Variants in ZNF385C observed in about 807,000 individuals in gnomAD.
The protein encoded by ZNF385C is zinc finger protein 385C, also known as CTD-2132N18.2.
In ZNF385C, 28 loss-of-function variants were observed where a neutral mutation model predicts 35.4. The observed-to-expected ratio is 0.79, with a 90% CI of 0.59 to 1.08. The LOEUF (loss-of-function observed/expected upper bound fraction) is 1.08. Among genes scored for constraint, ZNF385C ranks in the 50% least tolerant of loss-of-function variants. The pLI is 0.00. For missense variants in ZNF385C, 605 were observed against 595.6 expected (o/e 1.02, Z -0.16); for synonymous variants, 248 against 248.2 (o/e 1.00, Z 0.01).
At chr17:42,057,513 C>CGCGT (rs561209660) in intron 2 of ZNF385C, among the ~76,000 whole-genome samples, 6 of 146,858 alleles carry the variant, frequency 4.1e-5, no homozygotes, top group African/African-American at 1.1e-4. Context: ...CGCGCGCGCG[C>CGCGT]GTGTGTGTGT....
At chr17:42,079,890 C>G (rs1450438766) in intron 1 of ZNF385C, among the ~76,000 whole-genome samples, 1 of 152,150 alleles carries the variant, frequency 6.6e-6, no homozygotes, top group African/African-American at 2.4e-5. Flanking sequence ...ATCCACTCTC[C>G]CAACCCAGGG....
intron 1 of ZNF385C, among the ~76,000 whole-genome samples, chr17:42,086,630 A>G (rs2053811144): frequency 7.0e-6 from 1 of 142,574 alleles, no homozygotes; most frequent in African/African-American, 2.6e-5. Flanking sequence ...TGAACCCAGG[A>G]GGCAGAGGCT....
Position 42,034,821 on chromosome 17 carries a change from GGAAA to G in ZNF385C, c.400-490_400-487del, listed in dbSNP as rs1177902689. 2.7e-4 allele frequency among the ~76,000 whole-genome samples: 40 copies of G among 148,814 alleles called. 1 individual carries two copies. The highest frequency in any genetic ancestry group is 2.0e-4 in the Admixed American group (3 of 14,842). On this transcript the variant is annotated intron_variant, in intron 3 of 8. Coordinates refer to ENST00000692273, the MANE Select transcript of ZNF385C (RefSeq NM_001392013.1). ...AAAGAAAAGAAAAAGAAAAAGAAAA[GGAAA>G]GAAAGAAGAAGAAACAGCTGCCTGG...
chr17:42,063,291 G>T (rs534764396), intron 1 of ZNF385C, among the ~76,000 whole-genome samples: 3 of 152,310 alleles, frequency 2.0e-5, no homozygotes, highest in Non-Finnish European at 4.4e-5. Context: ...CACTTTGGGA[G>T]GCCGAGGCGG....
intron 1 of ZNF385C, among the ~76,000 whole-genome samples, chr17:42,089,604 A>G (rs567773566): frequency 2.0e-5 from 3 of 152,320 alleles, no homozygotes; most frequent in East Asian, 3.9e-4. Flanking sequence ...CTCATTATTG[A>G]CTAAAATGCA....
intron 1 of ZNF385C, among the ~76,000 whole-genome samples, chr17:42,063,395 G>T (rs1333215229): frequency 2.0e-5 from 3 of 152,174 alleles, no homozygotes; most frequent in Non-Finnish European, 4.4e-5. Flanking sequence ...GGGCATGGTG[G>T]CGCATGCCTG....
intron 1 of ZNF385C, among the ~76,000 whole-genome samples, chr17:42,091,925 G>A (rs2053866883): frequency 1.3e-5 from 2 of 152,190 alleles, no homozygotes; most frequent in African/African-American, 4.8e-5. Context: ...GGGAGATTCA[G>A]GAAGAGCCAG....
intron 2 of ZNF385C, chr17:42,043,058 C>T (rs1445721287): frequency 1.6e-6 from 2 of 1,232,198 alleles, no homozygotes; most frequent in Non-Finnish European, 2.0e-6. Context: ...CCTGGGCAGG[C>T]CCCTCCACCT....
intron 2 of ZNF385C, among the ~76,000 whole-genome samples, chr17:42,047,124 C>A (rs561004643): frequency 6.6e-6 from 1 of 151,604 alleles, no homozygotes; most frequent in East Asian, 1.9e-4. Context: ...CCCCACCTCC[C>A]GGGTTCACGC....
intron 1 of ZNF385C, among the ~76,000 whole-genome samples, chr17:42,068,655 A>G (rs983524076): frequency 3.3e-5 from 5 of 152,228 alleles, no homozygotes; most frequent in African/African-American, 1.2e-4. Context: ...ATGCCCAAAC[A>G]GGATCTCTCT....
Position 42,027,006 on chromosome 17 carries a change from G to A in ZNF385C, c.1403C>T (p.Thr468Ile), listed in dbSNP as rs1555654259. 7 of 1,609,430 alleles carry A rather than the reference G, an allele frequency of 4.3e-6. No individual in the cohort carries two copies. The highest frequency in any genetic ancestry group is 1.7e-5 in the Admixed American group (1 of 59,546). Residue 468 changes from threonine to isoleucine, a missense_variant, in exon 9 of 9, where the codon ACA (threonine) becomes ATA (isoleucine). Thr to Ile is a moderately conservative substitution (Grantham distance 89). Transcript: ENST00000692273. ...AGCCGGGAAGAGGGTAGTGGCTGCTGTAGGGGCAGGGCGGAGGGCCAGGGG... is the reference window on the plus strand; with the variant it reads ...AGCCGGGAAGAGGGTAGTGGCTGCTATAGGGGCAGGGCGGAGGGCCAGGGG... ...PGPLALRPAP[T>I]AATTLFPAPI... is the part of the protein sequence containing the mutation.
chr17:42,040,996 T>C, intron 2 of ZNF385C: 1 of 1,232,198 alleles, frequency 8.1e-7, no homozygotes, highest in Non-Finnish European at 1.0e-6. Context: ...AGCAGTGGCC[T>C]CGCCCTCCTG....
intron 3 of ZNF385C, among the ~76,000 whole-genome samples, chr17:42,037,178 C>G (rs1246413284): frequency 6.6e-6 from 1 of 152,080 alleles, no homozygotes; most frequent in Non-Finnish European, 1.5e-5. Context: ...CACGCATGCT[C>G]AGAGGGCAGA....
chr17:42,095,234 G>A lies in ZNF385C; in HGVS notation c.-3+3176C>T, dbSNP rs1442617979. 4.6e-5 allele frequency among the ~76,000 whole-genome samples: 7 copies of A among 152,138 alleles called. No individual in the cohort carries two copies. The highest frequency in any genetic ancestry group is 1.0e-4 in the Non-Finnish European group (7 of 68,018). On this transcript the variant is annotated intron_variant, in intron 1 of 8. Coordinates refer to ENST00000692273, the MANE Select transcript of ZNF385C (RefSeq NM_001392013.1). The surrounding 1 kb of genome is among the most constrained non-coding windows in gnomAD (Gnocchi z 4.4). ...GGTTTCATGCCTCTTCTGAACAGAC[G>A]GTGTGTCCAGGTGCCACAGGGCACT...
At chr17:42,073,734 T>C (rs868927947) in intron 1 of ZNF385C, among the ~76,000 whole-genome samples, 40 of 152,266 alleles carry the variant, frequency 2.6e-4, no homozygotes, top group African/African-American at 9.1e-4. Context: ...CACCATTCTG[T>C]TGTTGGAGAA....
chr17:42,043,322 A>G, intron 2 of ZNF385C: 4 of 1,232,206 alleles, frequency 3.2e-6, no homozygotes, highest in East Asian at 3.2e-5. Flanking sequence ...TAACGCTTAC[A>G]CTTCTTGTTG....
chr17:42,096,788 C>CG (rs2053921797), intron 1 of ZNF385C, among the ~76,000 whole-genome samples: 1 of 151,794 alleles, frequency 6.6e-6, no homozygotes, highest in African/African-American at 2.4e-5. Flanking sequence ...CTGCCTTGGG[C>CG]GGGGGCGGGG....
intron 4 of ZNF385C, among the ~76,000 whole-genome samples, chr17:42,032,943 C>CT (rs1290835490): frequency 4.6e-5 from 7 of 151,702 alleles, no homozygotes; most frequent in Non-Finnish European, 7.4e-5. Context: ...AGGCTGGTCT[C>CT]TAACTCCTGA....
chr17:42,042,093 A>G (rs1246468749), intron 2 of ZNF385C, among the ~76,000 whole-genome samples: 1 of 152,168 alleles, frequency 6.6e-6, no homozygotes, highest in Non-Finnish European at 1.5e-5. Flanking sequence ...AAAGAAAACT[A>G]AGTCAAAAGT....
Sources: gnomAD v4.1 joint callset for allele counts (sites outside exome capture counted in the v4.1 genomes callset) on GRCh38, gnomAD v4.1.1 for gene constraint, Gnocchi (gnomAD v3.1) non-coding constraint, MANE v1.5 for transcripts, NCBI Gene and HGNC (gene_info 2026-07-23, HGNC 2026-07-21) for gene names.